CDIPT: variants seen among roughly 807,000 people sequenced by gnomAD.
The protein encoded by CDIPT is PI synthase.
In CDIPT, 17 loss-of-function variants were observed where a neutral mutation model predicts 21.6. That is an observed-to-expected ratio of 0.79 (90% CI 0.54 to 1.18). The LOEUF (loss-of-function observed/expected upper bound fraction) is 1.18. Among genes scored for constraint, CDIPT ranks in the 50% most tolerant of loss-of-function variants. CDIPT has a pLI of 0.00. For synonymous variants in CDIPT, 119 were observed against 117.9 expected (o/e 1.01, Z -0.06); for missense variants, 254 against 284.9 (o/e 0.89, Z 0.78).
intron 2 of CDIPT, chr16:29,861,611 C>G (rs71389432): frequency 1.0e-6 from 1 of 983,066 alleles, no homozygotes; most frequent in African/African-American, 1.6e-5. Flanking sequence ...AGTCAACCCT[C>G]CAGAAGCCAT....
chr16:29,860,495 G>A (rs1418113253), intron 4 of CDIPT, 86 bp downstream of exon 4: 23 of 877,652 alleles, frequency 2.6e-5, no homozygotes, highest in South Asian at 1.2e-4. Flanking sequence ...CTGCGCCCTC[G>A]CCTTCTCCTA....
chr16:29,861,468 G>A (rs2067682256), intron 2 of CDIPT: 2 of 1,536,630 alleles, frequency 1.3e-6, no homozygotes, highest in African/African-American at 1.4e-5. Context: ...GAGAGTGGAG[G>A]GAACAGGGTA....
Position 29,859,229 on chromosome 16 carries a change from A to G in CDIPT, c.602T>C (p.Met201Thr). 6.3e-7 allele frequency: 1 copy of G among 1,597,466 alleles called. No individual in the cohort carries two copies. Among genetic ancestry groups the G allele is most frequent in the South Asian group, 1.1e-5 (1 of 88,102 alleles). ...VIHLITAARN[M>T]AALDAADRAK... Reference sequence around the variant, plus strand: ...GCGGTCTGCTGCGTCCAGGGCAGCCATGTTGCGGGCGGCCGTGATCAGGTG... The same window carrying G: ...GCGGTCTGCTGCGTCCAGGGCAGCCGTGTTGCGGGCGGCCGTGATCAGGTG... Residue 201 changes from methionine (M) to threonine (T), a missense_variant, in exon 6 of 6, where the codon ATG becomes ACG. By Grantham distance (81) the Met-to-Thr change is moderately conservative (BLOSUM62 -1). Transcript: ENST00000219789. This position sits in a 1 kb window ranked among gnomAD's most constrained non-coding sequence, Gnocchi z 4.5.
In CDIPT at chr16:29,859,268, A is replaced by T; in HGVS notation, c.563T>A (p.Leu188His). The T allele has an allele frequency of 6.3e-7, 1 of 1,585,548 alleles. No homozygotes were observed. Among genetic ancestry groups the T allele is most frequent in the African/African-American group, 1.3e-5 (1 of 74,694 alleles). The change falls in exon 6 of 6, where the codon CTC (leucine) becomes CAC (histidine). Residue 188 changes from leucine (L) to histidine (H), a missense_variant. Leu to His is a moderately conservative substitution (Grantham distance 99). Coordinates refer to ENST00000219789, the MANE Select transcript of CDIPT (RefSeq NM_006319.5). The surrounding 1 kb of genome is among the most constrained non-coding windows in gnomAD (Gnocchi z 4.5). ...CGTGATCAGGTGGATGACGCTGATG[A>T]GCGACTTCAGCAAGGCGATGGGGGC... ...VTAPIALLKS[L>H]ISVIHLITAA... is the part of the protein sequence containing the mutation.
chr16:29,859,587 A>G lies in CDIPT; in HGVS notation c.415-64T>C, dbSNP rs1596940606. 1 of 1,035,174 alleles carries G rather than the reference A, an allele frequency of 9.7e-7. No homozygotes were observed. The highest frequency in any genetic ancestry group is 1.3e-5 in the South Asian group (1 of 76,720). The allele number at this position is 1,035,174 out of a possible 1,614,324, so 64.1% of individuals were successfully genotyped here. On this transcript the variant is annotated intron_variant, in intron 4 of 5. Transcript: ENST00000219789. The surrounding 1 kb of genome is among the most constrained non-coding windows in gnomAD (Gnocchi z 4.5). ...GGCGTGTGCCACCCCCTGCCCCCCC[A>G]GCACTAATGAAGGCACAATCTCGGC...
rs1422170975 is a variant in CDIPT, at chr16:29,862,550, T to C, written c.178+36A>G. 6.4e-7 allele frequency: 1 copy of C among 1,551,488 alleles called. No individual in the cohort carries two copies. The highest frequency in any genetic ancestry group is 8.7e-7 in the Non-Finnish European group (1 of 1,146,834). The stretch of plus-strand genomic sequence containing the variant: ...GCAGGGGAAGGGAGGAGGGGATTGT[T>C]GAACCCCAAGGCTGGCTGAGAGGGG... On this transcript the variant is annotated intron_variant, in intron 2 of 5. Transcript: ENST00000219789. This position sits in a 1 kb window ranked among gnomAD's most constrained non-coding sequence, Gnocchi z 6.7.
intron 2 of CDIPT, among the ~76,000 whole-genome samples, chr16:29,861,939 G>A (rs2067686808): frequency 6.6e-6 from 1 of 152,020 alleles, no homozygotes; most frequent in African/African-American, 2.4e-5. Context: ...CACCATGTTG[G>A]CCAGGCTGGT....
At position 29,859,455 on chromosome 16, in the gene CDIPT, A is replaced by C; in HGVS notation, c.483T>G (p.Ser161=). The C allele has an allele frequency of 1.9e-6, 3 of 1,612,704 alleles. No homozygotes were observed. Among genetic ancestry groups the C allele is most frequent in the Non-Finnish European group, 2.5e-6 (3 of 1,178,986 alleles). The change falls in exon 5 of 6, where the codon TCT becomes TCG. Residue 161 remains serine (S), a synonymous_variant. Coordinates refer to ENST00000219789, the MANE Select transcript of CDIPT (RefSeq NM_006319.5). The surrounding 1 kb of genome is among the most constrained non-coding windows in gnomAD (Gnocchi z 4.5). ...CTCATCTCCTACCTAAAGGTCCCTC[A>C]GAGAAATGGAACAGGTAGAGGAGGC... ...FYCLLYLFHF[S]EGPLVGSVGL... is the part of the protein sequence containing the mutation.
Position 29,862,709 on chromosome 16 carries a change from T to C in CDIPT, c.55A>G (p.Ile19Val), listed in dbSNP as rs767086691. ...FVPNLIGYARIVFAIISFYFM... is the reference protein window; with the variant it reads ...FVPNLIGYARVVFAIISFYFM... ...TAGAAAGAAATGATGGCGAAGACAA[T>C]CCGGGCATAACCTTGGAACGGGACG... The change falls in exon 2 of 6, where the codon ATT (isoleucine) becomes GTT (valine). Residue 19 changes from isoleucine (I) to valine (V), a missense_variant. Physicochemically the swap from Ile to Val is conservative, Grantham distance 29 (BLOSUM62 3). Coordinates refer to ENST00000219789, the MANE Select transcript of CDIPT (RefSeq NM_006319.5). This position sits in a 1 kb window ranked among gnomAD's most constrained non-coding sequence, Gnocchi z 6.7. 3.1e-6 allele frequency: 5 copies of C among 1,614,072 alleles called. No individual in the cohort carries two copies. The East Asian group carries it at 1.1e-4, about 36-fold the overall frequency.
Position 29,861,259 on chromosome 16 carries a change from C to T in CDIPT, c.179G>A (p.Gly60Glu), listed in dbSNP as rs1179941577. The T allele has an allele frequency of 4.3e-6, 7 of 1,613,994 alleles. No homozygotes were observed. In the African/African-American group the frequency reaches 9.3e-5, roughly 22 times the overall value. Residue 60 changes from glycine (G) to glutamate (E), a missense_variant and splice_region_variant, in exon 3 of 6, where the codon GGA becomes GAA. Physicochemically the swap from Gly to Glu is moderately conservative, Grantham distance 98 (BLOSUM62 -2). Transcript: ENST00000219789. ...DGHAARALNQ[G>E]TRFGAMLDML... ...GTCCAGCATGGCCCCAAACCGGGTT[C>T]CTGGAAGATTAGGTGGGCAAGGGCT... is the stretch of plus-strand genomic sequence containing the variant.
Position 29,859,293 on chromosome 16 carries a change from C to CAGTGACCCA in CDIPT, c.529_537dup (p.Trp177_Thr179dup). ...AGCGACTTCAGCAAGGCGATGGGGG[C>CAGTGACCCA]AGTGACCCAGAGGCCCATCCGGAAC... On this transcript the variant is annotated inframe_insertion, in exon 6 of 6. Transcript: ENST00000219789. The surrounding 1 kb of genome is among the most constrained non-coding windows in gnomAD (Gnocchi z 4.5). The CAGTGACCCA allele has an allele frequency of 6.4e-7, 1 of 1,573,140 alleles. No individual in the cohort carries two copies. The highest frequency in any genetic ancestry group is 1.2e-5 in the South Asian group (1 of 85,476).
Position 29,859,346 on chromosome 16 carries a change from C to A in CDIPT, c.497-12G>T. ...TCCCACAGAGCCAACTGCAGGAAGG[C>A]AGCAGGGGAGTTTGGGGCCCGAAGG... On this transcript the variant is annotated splice_polypyrimidine_tract_variant and intron_variant, in intron 5 of 5. Transcript: ENST00000219789. This position sits in a 1 kb window ranked among gnomAD's most constrained non-coding sequence, Gnocchi z 4.5. The A allele has an allele frequency of 6.4e-7, 1 of 1,566,730 alleles. No homozygotes were observed. Among genetic ancestry groups the A allele is most frequent in the Non-Finnish European group, 8.7e-7 (1 of 1,155,352 alleles).
intron 3 of CDIPT, 76 bp from the exon 4 acceptor site, chr16:29,860,738 T>C (rs967320169): frequency 1.1e-5 from 9 of 849,660 alleles, no homozygotes; most frequent in South Asian, 2.8e-5. Context: ...TAACACCTAT[T>C]GTACAGATGG....
intron 2 of CDIPT, among the ~76,000 whole-genome samples, chr16:29,861,922 A>G (rs1309303783): frequency 1.3e-5 from 2 of 151,938 alleles, no homozygotes; most frequent in Admixed American, 6.6e-5. Context: ...TAGTAGAGAC[A>G]GGGTTTCACC....
chr16:29,862,458 A>T lies in CDIPT; in HGVS notation c.178+128T>A. 1 of 971,578 alleles carries T rather than the reference A, an allele frequency of 1.0e-6. No individual in the cohort carries two copies. Among genetic ancestry groups the T allele is most frequent in the Non-Finnish European group, 1.5e-6 (1 of 655,782 alleles). The allele number at this position is 971,578 out of a possible 1,614,324, so 60.2% of individuals were successfully genotyped here. On this transcript the variant is annotated intron_variant, in intron 2 of 5. Coordinates refer to ENST00000219789, the MANE Select transcript of CDIPT (RefSeq NM_006319.5). This position sits in a 1 kb window ranked among gnomAD's most constrained non-coding sequence, Gnocchi z 6.7. The stretch of plus-strand genomic sequence containing the variant: ...AACAAAACACAAAACAAAAAGCCCC[A>T]GGCCATCCTGTTCTGCTTTTTCCAG...
chr16:29,863,206 G>T lies in CDIPT; in HGVS notation c.-349C>A. 2.7e-6 allele frequency: 1 copy of T among 370,114 alleles called. No homozygotes were observed. Among genetic ancestry groups the T allele is most frequent in the Non-Finnish European group, 4.9e-6 (1 of 203,042 alleles). The allele number at this position is 370,114 out of a possible 1,614,324, so 22.9% of individuals were successfully genotyped here. The stretch of plus-strand genomic sequence containing the variant: ...CCTCCGCGCCCGTCGTTGCAAAATT[G>T]GAGAGAGGAAAAAGTGGCTTAAAAA... On this transcript the variant is annotated 5_prime_UTR_variant, in exon 1 of 6. Transcript: ENST00000219789.
intron 3 of CDIPT, 160 bp downstream of exon 3, chr16:29,860,946 T>G (rs768542544): frequency 4.4e-6 from 3 of 684,712 alleles, no homozygotes; most frequent in African/African-American, 1.8e-5. Context: ...GACTGAAGCT[T>G]TAAAGAGAGG....
Position 29,862,638 on chromosome 16 carries a change from G to A in CDIPT, c.126C>T (p.Leu42=). ...CATCGAAAGCGTCCAGCAGGCCGCT[G>A]AGCAGGTAGAAGGAGGAGGCCGTGA... is the stretch of plus-strand genomic sequence containing the variant. ...CPLTASSFYL[L]SGLLDAFDGH... Residue 42 remains leucine (L), a synonymous_variant, in exon 2 of 6, where the codon CTC becomes CTT. Coordinates refer to ENST00000219789, the MANE Select transcript of CDIPT (RefSeq NM_006319.5). The surrounding 1 kb of genome is among the most constrained non-coding windows in gnomAD (Gnocchi z 6.7). The A allele has an allele frequency of 6.2e-7, 1 of 1,610,438 alleles. No homozygotes were observed. Among genetic ancestry groups the A allele is most frequent in the South Asian group, 1.1e-5 (1 of 90,826 alleles).
chr16:29,861,022 C>T (rs1042723746), intron 3 of CDIPT, 84 bp downstream of exon 3: 3 of 1,416,930 alleles, frequency 2.1e-6, no homozygotes, highest in African/African-American at 2.8e-5. Flanking sequence ...TGCCTAGTGC[C>T]ATCCCAGACA....
Sources: allele counts gnomAD v4.1 joint callset (sites outside exome capture counted in the v4.1 genomes callset), GRCh38; gene constraint gnomAD v4.1.1; non-coding constraint Gnocchi (gnomAD v3.1); transcripts MANE v1.5; gene names NCBI Gene and HGNC (gene_info 2026-07-23, HGNC 2026-07-21).